GSG1L: variants seen among roughly 807,000 people sequenced by gnomAD.
The protein encoded by GSG1L is GSG1 like, also known as germ cell-specific gene 1-like protein.
Under a neutral mutation model 42.1 loss-of-function variants are expected in GSG1L, and 24 were observed. That is an observed-to-expected ratio of 0.57 (90% CI 0.41 to 0.80). The LOEUF (loss-of-function observed/expected upper bound fraction) is 0.80, where lower values mean the gene tolerates loss of function less well. GSG1L is among the 30% of genes least tolerant of loss of function. The pLI, the probability that GSG1L is intolerant of heterozygous loss-of-function variation, is 0.00. For missense variants in GSG1L, 445 were observed against 472.2 expected, an observed-to-expected ratio of 0.94 and a Z score of 0.53; for synonymous variants, 215 against 203.5, an observed-to-expected ratio of 1.06 and a Z score of -0.48.
intron 4 of GSG1L, among the ~76,000 whole-genome samples, chr16:27,833,394 T>A (rs1041035818): frequency 6.6e-6 from 1 of 152,202 alleles, no homozygotes; most frequent in South Asian, 2.1e-4. Context: ...TGGAGTATTG[T>A]AGCTATACAA....
intron 1 of GSG1L, among the ~76,000 whole-genome samples, chr16:28,011,682 C>A (rs1279421463): frequency 6.6e-6 from 1 of 152,160 alleles, no homozygotes; most frequent in Admixed American, 6.5e-5. Flanking sequence ...GCCTTCACGG[C>A]CATCGAGGAC....
Position 27,884,419 on chromosome 16 carries a change from CT to C in GSG1L, c.550+66del, listed in dbSNP as rs2084001736. On this transcript the variant is annotated intron_variant, in intron 3 of 6. Transcript: ENST00000447459. This position sits in a 1 kb window ranked among gnomAD's most constrained non-coding sequence, Gnocchi z 4.4. ...TGCCTCCCGGTTGGTACAACCAGGGCTTACTCCAAGGGCAGCACCCTTTCTC... is the reference window on the plus strand; with the variant it reads ...TGCCTCCCGGTTGGTACAACCAGGGCTACTCCAAGGGCAGCACCCTTTCTC... 7 of 1,475,754 alleles carry C rather than the reference CT, an allele frequency of 4.7e-6. No individual in the cohort carries two copies. The highest frequency in any genetic ancestry group is 6.4e-6 in the Non-Finnish European group (7 of 1,088,636). 91.4% of individuals were successfully genotyped at this position (1,475,754 alleles called of 1,614,324 possible).
intron 1 of GSG1L, among the ~76,000 whole-genome samples, chr16:27,965,608 C>T (rs776791364): frequency 3.3e-5 from 5 of 152,162 alleles, no homozygotes; most frequent in Non-Finnish European, 4.4e-5. Context: ...CACTGCATCC[C>T]CAGCTAGTAA....
intron 1 of GSG1L, among the ~76,000 whole-genome samples, chr16:27,988,249 T>G (rs528586760): frequency 6.6e-6 from 1 of 151,116 alleles, no homozygotes; most frequent in East Asian, 1.9e-4. Flanking sequence ...ACTTCCTGGG[T>G]TTTTCACTGG....
intron 2 of GSG1L, among the ~76,000 whole-genome samples, chr16:27,918,424 G>A (rs1227290202): frequency 3.9e-5 from 6 of 152,138 alleles, no homozygotes; most frequent in South Asian, 4.1e-4. Flanking sequence ...TTAGGATGCC[G>A]AGGCAGGTGG....
chr16:27,861,877 T>C (rs1439638885), intron 3 of GSG1L, among the ~76,000 whole-genome samples: 2 of 152,148 alleles, frequency 1.3e-5, no homozygotes, highest in Middle Eastern at 6.3e-3. Flanking sequence ...CCATATTCCC[T>C]GGGCTTCAGA....
intron 2 of GSG1L, among the ~76,000 whole-genome samples, chr16:27,890,407 A>G: frequency 6.6e-6 from 1 of 152,154 alleles, no homozygotes; most frequent in East Asian, 1.9e-4. Flanking sequence ...GGAACTCTGT[A>G]TGCTGAGAGG....
intron 1 of GSG1L, among the ~76,000 whole-genome samples, chr16:28,053,021 G>C (rs928533515): frequency 1.3e-5 from 2 of 152,248 alleles, no homozygotes; most frequent in Non-Finnish European, 2.9e-5. Flanking sequence ...GGCAGAGGGG[G>C]GCAGAGAGTG....
At chr16:27,986,448 G>A (rs2085383372) in intron 1 of GSG1L, among the ~76,000 whole-genome samples, 1 of 150,562 alleles carries the variant, frequency 6.6e-6, no homozygotes, top group Non-Finnish European at 1.5e-5. Context: ...GGAGGCTGCA[G>A]TGAGCTGAGA....
chr16:28,003,140 AAGG>A (rs2085598221), intron 1 of GSG1L, among the ~76,000 whole-genome samples: 1 of 152,156 alleles, frequency 6.6e-6, no homozygotes, highest in Non-Finnish European at 1.5e-5. Context: ...GGGCAGCCTT[AAGG>A]AGAAATGCTG....
intron 1 of GSG1L, among the ~76,000 whole-genome samples, chr16:28,033,900 G>A (rs923299917): frequency 3.9e-5 from 6 of 152,184 alleles, no homozygotes; most frequent in African/African-American, 1.4e-4. Context: ...GCGGAAAATT[G>A]TTGAAGAGAG....
intron 1 of GSG1L, among the ~76,000 whole-genome samples, chr16:28,009,435 G>A (rs955928900): frequency 1.3e-5 from 2 of 152,122 alleles, no homozygotes; most frequent in African/African-American, 4.8e-5. Context: ...CTGCCTGTGG[G>A]AACACATGCA....
chr16:28,049,231 T>A (rs1247229639), intron 1 of GSG1L, among the ~76,000 whole-genome samples: 1 of 152,208 alleles, frequency 6.6e-6, no homozygotes, highest in Non-Finnish European at 1.5e-5. Context: ...CTTTAAATCC[T>A]TTTAAATTCC....
chr16:27,965,016 T>G (rs114117091), intron 1 of GSG1L, among the ~76,000 whole-genome samples: 2,207 of 152,220 alleles, frequency 0.014, 59 homozygotes, highest in African/African-American at 0.051. Flanking sequence ...ATTAAATATT[T>G]TAATTTGTTT....
chr16:28,035,030 T>A (rs942365524), intron 1 of GSG1L, among the ~76,000 whole-genome samples: 1 of 152,130 alleles, frequency 6.6e-6, no homozygotes, highest in Non-Finnish European at 1.5e-5. Flanking sequence ...TTATTGTTAT[T>A]TATAGACAGT....
chr16:27,969,806 A>G (rs1009702382), intron 1 of GSG1L, among the ~76,000 whole-genome samples: 2 of 152,246 alleles, frequency 1.3e-5, no homozygotes, highest in African/African-American at 4.8e-5. Flanking sequence ...CAGATGCATC[A>G]TTCTATGTTC....
At chr16:27,991,044 A>G (rs1215358213) in intron 1 of GSG1L, among the ~76,000 whole-genome samples, 1 of 152,238 alleles carries the variant, frequency 6.6e-6, no homozygotes, top group East Asian at 1.9e-4. Flanking sequence ...CAAGTACAGT[A>G]AGGCTAAAAT....
chr16:27,902,732 C>T (rs557558203), intron 2 of GSG1L, among the ~76,000 whole-genome samples: 5 of 152,164 alleles, frequency 3.3e-5, no homozygotes, highest in African/African-American at 7.2e-5. Flanking sequence ...GTGCCTTGGG[C>T]GTTATTTAAA....
intron 3 of GSG1L, among the ~76,000 whole-genome samples, chr16:27,850,227 C>T (rs982433348): frequency 5.3e-5 from 8 of 151,428 alleles, no homozygotes; most frequent in Non-Finnish European, 1.0e-4. Flanking sequence ...AGGGGTTTCA[C>T]CATGTTAGTC....
Sources: allele counts gnomAD v4.1 joint callset (sites outside exome capture counted in the v4.1 genomes callset), GRCh38; gene constraint gnomAD v4.1.1; non-coding constraint Gnocchi (gnomAD v3.1); transcripts MANE v1.5; gene names NCBI Gene and HGNC (gene_info 2026-07-23, HGNC 2026-07-21).